TRDN: variants seen among roughly 807,000 people sequenced by gnomAD.
TRDN encodes the protein triadin in skeletal muscle.
In TRDN, 161 loss-of-function variants were observed where a neutral mutation model predicts 149.7. That is an observed-to-expected ratio of 1.08 (90% CI 0.95 to 1.23). The LOEUF is 1.23. Ranked by LOEUF, TRDN falls within the 50% of genes most tolerant of loss-of-function variation. The pLI is 0.00. For missense variants in TRDN, 896 were observed against 823.5 expected, an observed-to-expected ratio of 1.09 and a Z score of -1.08; for synonymous variants, 294 against 250.5, an observed-to-expected ratio of 1.17 and a Z score of -1.64.
chr6:123,587,981 G>A (rs1783590583), intron 1 of TRDN, among the ~76,000 whole-genome samples: 2 of 152,168 alleles, frequency 1.3e-5, no homozygotes, highest in Admixed American at 6.5e-5. Context: ...GGATATGATG[G>A]CTTAGCTTGG....
chr6:123,581,843 A>C, intron 1 of TRDN, among the ~76,000 whole-genome samples: 1 of 152,208 alleles, frequency 6.6e-6, no homozygotes, highest in East Asian at 1.9e-4. Flanking sequence ...TTTTGTAAGG[A>C]GACAATTTCA....
In TRDN at chr6:123,294,467, C is replaced by G. The variant is rs539110556; in HGVS notation, c.1511-15385G>C. On this transcript the variant is annotated intron_variant, in intron 24 of 40. Transcript: ENST00000334268. ...TCATGGAAGACAATTTTTCCACAGC[C>G]TGGGGTCGGGGGTGTGGATAGGGGT... 6.0e-4 allele frequency among the ~76,000 whole-genome samples: 92 copies of G among 152,220 alleles called. No individual in the cohort carries two copies. The South Asian group carries it at 0.012, about 19-fold the overall frequency.
At chr6:123,434,622 A>G (rs1774477035) in intron 12 of TRDN, among the ~76,000 whole-genome samples, 1 of 152,190 alleles carries the variant, frequency 6.6e-6, no homozygotes, top group Non-Finnish European at 1.5e-5. Flanking sequence ...TGCCAACTAC[A>G]GTGTTTAGTG....
intron 12 of TRDN, among the ~76,000 whole-genome samples, chr6:123,426,260 T>C (rs984441126): frequency 2.6e-5 from 4 of 152,102 alleles, no homozygotes; most frequent in Non-Finnish European, 5.9e-5. Flanking sequence ...ATTTGGCTGA[T>C]AGAGAAGAAG....
chr6:123,629,424 A>G (rs1008536570), intron 1 of TRDN, among the ~76,000 whole-genome samples: 3 of 152,108 alleles, frequency 2.0e-5, no homozygotes, highest in Admixed American at 6.6e-5. Flanking sequence ...TGATGCAGCA[A>G]ATGCGTAGCA....
chr6:123,492,700 T>G (rs1270047389), intron 9 of TRDN, among the ~76,000 whole-genome samples: 1 of 151,908 alleles, frequency 6.6e-6, no homozygotes, highest in East Asian at 1.9e-4. Context: ...GATAAATAAA[T>G]CTGGCGGAAT....
chr6:123,508,454 A>AAATC (rs1779027671), intron 7 of TRDN, among the ~76,000 whole-genome samples: 1 of 152,176 alleles, frequency 6.6e-6, no homozygotes, highest in African/African-American at 2.4e-5. Context: ...CCAAGGCAGC[A>AAATC]ATAACCTCTG....
chr6:123,271,017 G>T, intron 30 of TRDN, 122 bp downstream of exon 30: 1 of 451,600 alleles, frequency 2.2e-6, no homozygotes. Context: ...GGTACTGAAA[G>T]CCTACACACT....
At chr6:123,603,290 C>G (rs1003060106) in intron 1 of TRDN, among the ~76,000 whole-genome samples, 2 of 152,018 alleles carry the variant, frequency 1.3e-5, no homozygotes, top group Non-Finnish European at 2.9e-5. Flanking sequence ...TCTTTCTAAT[C>G]AAACCCAATG....
chr6:123,373,373 C>T (rs1781392818), intron 19 of TRDN, among the ~76,000 whole-genome samples: 1 of 152,124 alleles, frequency 6.6e-6, no homozygotes, highest in Non-Finnish European at 1.5e-5. Context: ...ATTGTGAGGC[C>T]TCCCTGGCCA....
chr6:123,550,895 G>C (rs1781349110), intron 2 of TRDN, among the ~76,000 whole-genome samples: 2 of 151,878 alleles, frequency 1.3e-5, no homozygotes, highest in South Asian at 4.1e-4. Flanking sequence ...ATGGCCGTTT[G>C]AATGGTGAGA....
rs77100466 is a variant in TRDN, at chr6:123,229,950, G to A, written c.1976-5819C>T. 5.5e-3 allele frequency among the ~76,000 whole-genome samples: 834 copies of A among 151,866 alleles called. 28 individuals carry two copies. The South Asian group carries it at 0.077, about 14-fold the overall frequency. On this transcript the variant is annotated intron_variant, in intron 38 of 40. Coordinates refer to ENST00000334268, the MANE Select transcript of TRDN (RefSeq NM_006073.4). ...GGTTCTACATTTTATTCTCTAGAGC[G>A]GTGGCTTTCACTTTTTTCTTCACAG...
rs181721465 is a variant in TRDN at position 123,394,663 on chromosome 6, A to G, written c.1052-986T>C. 2.8e-3 allele frequency among the ~76,000 whole-genome samples: 423 copies of G among 152,242 alleles called. 3 individuals are homozygous for G. The highest frequency in any genetic ancestry group is 9.5e-3 in the African/African-American group (394 of 41,564). ...TTAATGTTGATTTGATTTCTAATTC[A>G]TGCTTTACCTCTTGTTGGTAAGATA... is the stretch of plus-strand genomic sequence containing the variant. On this transcript the variant is annotated intron_variant, in intron 12 of 40. Coordinates refer to ENST00000334268, the MANE Select transcript of TRDN (RefSeq NM_006073.4).
At chr6:123,325,530 TA>T (rs1160606154) in intron 23 of TRDN, among the ~76,000 whole-genome samples, 1 of 152,110 alleles carries the variant, frequency 6.6e-6, no homozygotes, top group Non-Finnish European at 1.5e-5. Flanking sequence ...TGGAACATTT[TA>T]AAAATTTAGA....
At chr6:123,236,780 C>T (rs1334806562) in intron 38 of TRDN, among the ~76,000 whole-genome samples, 1 of 152,080 alleles carries the variant, frequency 6.6e-6, no homozygotes, top group Non-Finnish European at 1.5e-5. Flanking sequence ...GGATTTTTAA[C>T]ACTACATTGA....
At chr6:123,239,662 A>G (rs570682042) in intron 38 of TRDN, among the ~76,000 whole-genome samples, 1 of 152,228 alleles carries the variant, frequency 6.6e-6, no homozygotes, top group South Asian at 2.1e-4. Context: ...ACTAGTTAAA[A>G]TTAATTATAG....
chr6:123,273,142 A>G, intron 28 of TRDN, 131 bp from the exon 29 acceptor site: 1 of 752,972 alleles, frequency 1.3e-6, no homozygotes, highest in Non-Finnish European at 2.0e-6. Context: ...TCTATGTAAA[A>G]CTTAAAGGTT....
chr6:123,316,406 C>A (rs1779022431), intron 24 of TRDN, 51 bp downstream of exon 24: 1 of 1,557,706 alleles, frequency 6.4e-7, no homozygotes, highest in Admixed American at 1.7e-5. Flanking sequence ...TAGCTTTCTT[C>A]CAACCAAACA....
rs576394100 is a variant in TRDN, at chr6:123,331,301, G to A, written c.1471+578C>T. On this transcript the variant is annotated intron_variant, in intron 23 of 40. Transcript: ENST00000334268. ...ATGGAAAGGCTAGAGATGCAACATGGCACATTAGAAAAAGAACAGTGCTTG... is the reference window on the plus strand; with the variant it reads ...ATGGAAAGGCTAGAGATGCAACATGACACATTAGAAAAAGAACAGTGCTTG... 2.0e-5 allele frequency among the ~76,000 whole-genome samples: 3 copies of A among 151,994 alleles called. No individual in the cohort carries two copies. In the East Asian group the frequency reaches 5.8e-4, roughly 29 times the overall value.
Sources: gnomAD v4.1 joint callset for allele counts (sites outside exome capture counted in the v4.1 genomes callset) on GRCh38, gnomAD v4.1.1 for gene constraint, MANE v1.5 for transcripts, NCBI Gene and HGNC (gene_info 2026-07-23, HGNC 2026-07-21) for gene names.